The following VSTM4 variants were observed in gnomAD, a reference collection of about 807,000 sequenced individuals.
VSTM4 encodes V-set and transmembrane domain containing 4.
Under a neutral mutation model 36.4 loss-of-function variants are expected in VSTM4, and 20 were observed. That is an observed-to-expected ratio of 0.55 (90% CI 0.39 to 0.80). The LOEUF (loss-of-function observed/expected upper bound fraction) is 0.80. Among genes scored for constraint, VSTM4 ranks in the 30% least tolerant of loss-of-function variants. The probability of loss-of-function intolerance (pLI) is 0.00; values close to 1 mark genes in which losing one functional copy is unlikely to be tolerated. For missense variants in VSTM4, 392 were observed against 404.5 expected (o/e 0.97, Z 0.26); for synonymous variants, 182 against 173.9 (o/e 1.05, Z -0.37).
chr10:49,070,504 C>T (rs1355453956), intron 4 of VSTM4, among the ~76,000 whole-genome samples: 1 of 152,168 alleles, frequency 6.6e-6, no homozygotes, highest in East Asian at 1.9e-4. Flanking sequence ...AGCTGGGCTG[C>T]CAGTGGTGAA....
intron 7 of VSTM4, among the ~76,000 whole-genome samples, chr10:49,038,553 G>T (rs1014557207): frequency 1.3e-4 from 20 of 152,268 alleles, no homozygotes; most frequent in African/African-American, 4.3e-4. Context: ...TGTTTCACAT[G>T]ACTGAATTGT....
intron 1 of VSTM4, 71 bp from the exon 2 acceptor site, chr10:49,108,066 G>A: frequency 6.8e-7 from 1 of 1,471,128 alleles, no homozygotes; most frequent in Non-Finnish European, 9.0e-7. Context: ...CCACAGTCGA[G>A]GAGCCAGGAA....
intron 7 of VSTM4, among the ~76,000 whole-genome samples, chr10:49,024,455 C>T (rs764962766): frequency 6.6e-6 from 1 of 152,120 alleles, no homozygotes; most frequent in Non-Finnish European, 1.5e-5. Flanking sequence ...TGAAAGTGTT[C>T]ATGGAGAAGA....
intron 4 of VSTM4, among the ~76,000 whole-genome samples, chr10:49,068,081 A>T (rs1844005648): frequency 1.3e-5 from 2 of 152,096 alleles, no homozygotes; most frequent in South Asian, 4.1e-4. Context: ...TTTTTAATCA[A>T]ATATTTTTTA....
intron 5 of VSTM4, among the ~76,000 whole-genome samples, chr10:49,058,681 A>G (rs1303033862): frequency 6.6e-6 from 1 of 152,198 alleles, no homozygotes; most frequent in Non-Finnish European, 1.5e-5. Flanking sequence ...AACTTTTCTT[A>G]GCAAGTCATG....
At chr10:49,056,516 G>A (rs1259384022) in intron 5 of VSTM4, among the ~76,000 whole-genome samples, 1 of 152,236 alleles carries the variant, frequency 6.6e-6, no homozygotes. Flanking sequence ...TGCTGGTTAG[G>A]AAGAGAGATG....
intron 3 of VSTM4, among the ~76,000 whole-genome samples, chr10:49,081,038 T>A (rs1428815660): frequency 6.6e-6 from 1 of 152,190 alleles, no homozygotes; most frequent in African/African-American, 2.4e-5. Context: ...AACAGGACTC[T>A]TGGATTCTGG....
At chr10:49,061,893 A>AT in intron 5 of VSTM4, among the ~76,000 whole-genome samples, 1 of 152,334 alleles carries the variant, frequency 6.6e-6, no homozygotes, top group Admixed American at 6.5e-5. Context: ...TATTTCAGCA[A>AT]TTAAGGCTAC....
chr10:49,021,383 GA>G (rs1388915308), intron 7 of VSTM4, among the ~76,000 whole-genome samples: 1 of 151,624 alleles, frequency 6.6e-6, no homozygotes, highest in Non-Finnish European at 1.5e-5. Context: ...AGGAGCAAAG[GA>G]AAAAAAGATG....
chr10:49,105,658 A>G (rs1004536138), intron 2 of VSTM4, among the ~76,000 whole-genome samples: 4 of 152,198 alleles, frequency 2.6e-5, no homozygotes, highest in African/African-American at 9.6e-5. Context: ...CACTGAAATG[A>G]GATTCACGTT....
intron 1 of VSTM4, among the ~76,000 whole-genome samples, chr10:49,112,685 A>AC (rs1157157027): frequency 1.3e-5 from 2 of 152,182 alleles, no homozygotes; most frequent in Non-Finnish European, 2.9e-5. Flanking sequence ...AAGTCCTCAC[A>AC]CCCCAACATG....
At chr10:49,054,681 A>T (rs1843748810) in intron 5 of VSTM4, among the ~76,000 whole-genome samples, 1 of 152,242 alleles carries the variant, frequency 6.6e-6, no homozygotes, top group Non-Finnish European at 1.5e-5. Flanking sequence ...ACCAAAAAAC[A>T]TAATTATAAC....
At chr10:49,103,919 G>T in intron 2 of VSTM4, 2 of 1,477,666 alleles carry the variant, frequency 1.4e-6, no homozygotes, top group Non-Finnish European at 9.3e-7. Flanking sequence ...CGGGCCTGGG[G>T]TGGGGGGCAC....
rs1843135785 is a variant in VSTM4 at position 49,018,599 on chromosome 10, C to A, written c.*1051G>T. On this transcript the variant is annotated 3_prime_UTR_variant, in exon 8 of 8. Transcript: ENST00000332853. The stretch of plus-strand genomic sequence containing the variant: ...AGGATGGTGCTTTCAGAATGGATCC[C>A]CTGCCAGTAAGTCCAAGATTCCTGT... 6.6e-6 allele frequency: 1 copy of A among 152,192 alleles called. No homozygotes were observed. The highest frequency in any genetic ancestry group is 2.4e-5 in the African/African-American group (1 of 41,440). The allele number at this position is 152,192 out of a possible 1,614,324, so 9.4% of individuals were successfully genotyped here.
At chr10:49,032,632 GAT>G (rs1213247011) in intron 7 of VSTM4, among the ~76,000 whole-genome samples, 17 of 152,204 alleles carry the variant, frequency 1.1e-4, no homozygotes, top group African/African-American at 2.9e-4. Context: ...AAACCAGTCT[GAT>G]ACTGTCTTTT....
intron 4 of VSTM4, among the ~76,000 whole-genome samples, chr10:49,072,727 G>C (rs1190583050): frequency 6.6e-6 from 1 of 152,184 alleles, no homozygotes; most frequent in East Asian, 1.9e-4. Context: ...ACCACAGGGA[G>C]AGAAATATCA....
chr10:49,051,623 T>G (rs1719652513), intron 5 of VSTM4, among the ~76,000 whole-genome samples: 1 of 152,194 alleles, frequency 6.6e-6, no homozygotes, highest in African/African-American at 2.4e-5. Flanking sequence ...CTTGAACTCC[T>G]GACCTCAGGT....
chr10:49,051,115 G>A (rs1843691019), intron 5 of VSTM4, among the ~76,000 whole-genome samples: 1 of 152,082 alleles, frequency 6.6e-6, no homozygotes, highest in South Asian at 2.1e-4. Context: ...ATATTCTATG[G>A]GTTTGGACAA....
At chr10:49,047,119 G>A in intron 6 of VSTM4, 75 bp from the exon 7 acceptor site, 1 of 1,445,520 alleles carries the variant, frequency 6.9e-7, no homozygotes, top group Non-Finnish European at 9.7e-7. Flanking sequence ...TGAGCATCAG[G>A]GACATATTCT....
Sources: gnomAD v4.1 joint callset for allele counts (sites outside exome capture counted in the v4.1 genomes callset) on GRCh38, gnomAD v4.1.1 for gene constraint, MANE v1.5 for transcripts, NCBI Gene and HGNC (gene_info 2026-07-23, HGNC 2026-07-21) for gene names.